CLASP1: variants seen among roughly 807,000 people sequenced by gnomAD.
CLASP1 encodes cytoplasmic linker associated protein 1, also known as CLIP-associating protein 1.
In CLASP1, 38 loss-of-function variants were observed where a neutral mutation model predicts 192.3. The ratio of observed to expected loss-of-function variants is 0.20; its 90% CI spans 0.15 to 0.26. The LOEUF (loss-of-function observed/expected upper bound fraction) is 0.26. Ranked by LOEUF, CLASP1 falls within the 10% of genes least tolerant of loss-of-function variation. CLASP1 has a pLI of 1.00. For synonymous variants in CLASP1, 691 were observed against 712.8 expected, an observed-to-expected ratio of 0.97 and a Z score of 0.49; for missense variants, 1,433 against 1,932.5, an observed-to-expected ratio of 0.74 and a Z score of 4.85.
chr2:121,473,706 G>C (rs995482238), intron 8 of CLASP1, among the ~76,000 whole-genome samples: 2 of 152,118 alleles, frequency 1.3e-5, no homozygotes, highest in African/African-American at 4.8e-5. Context: ...ACCCAGACAA[G>C]AGCAGCCAGG....
At chr2:121,371,093 C>G (rs547214233) in intron 34 of CLASP1, among the ~76,000 whole-genome samples, 1 of 152,136 alleles carries the variant, frequency 6.6e-6, no homozygotes, top group African/African-American at 2.4e-5. Flanking sequence ...TATAAATATA[C>G]AAAAAGGAAT....
At chr2:121,557,110 G>A (rs984898531) in intron 2 of CLASP1, among the ~76,000 whole-genome samples, 22 of 152,210 alleles carry the variant, frequency 1.4e-4, no homozygotes, top group African/African-American at 4.1e-4. Flanking sequence ...TGCTCACTGC[G>A]AATGTTATCA....
chr2:121,362,411 C>T (rs79284003), intron 37 of CLASP1, among the ~76,000 whole-genome samples: 5,628 of 152,308 alleles, frequency 0.037, 154 homozygotes, highest in East Asian at 0.14. Context: ...CCCTCTGTGG[C>T]ATGTGTGCAG....
At chr2:121,520,425 C>T (rs1251477275) in intron 6 of CLASP1, among the ~76,000 whole-genome samples, 2 of 152,200 alleles carry the variant, frequency 1.3e-5, no homozygotes, top group African/African-American at 4.8e-5. Context: ...CCCAGCACAG[C>T]TGTGCCCAAG....
At position 121,425,023 on chromosome 2, in the gene CLASP1, A is replaced by G. The variant is rs929750510; in HGVS notation, c.2212+116T>C. Reference sequence around the variant, plus strand: ...GTATAAAGCACACCCAGGCAAAGTGACATCCTCAGTTCAAAAAATAGATCT... The same window carrying G: ...GTATAAAGCACACCCAGGCAAAGTGGCATCCTCAGTTCAAAAAATAGATCT... On this transcript the variant is annotated intron_variant, in intron 22 of 39. Coordinates refer to ENST00000263710, the Ensembl canonical transcript of CLASP1. 5.0e-5 allele frequency: 53 copies of G among 1,064,110 alleles called. No homozygotes were observed. In the African/African-American group the frequency reaches 7.4e-4, roughly 15 times the overall value. 65.9% of individuals were successfully genotyped at this position (1,064,110 alleles called of 1,614,324 possible).
At chr2:121,367,241 T>C (rs2149261374) in intron 35 of CLASP1, among the ~76,000 whole-genome samples, 1 of 152,318 alleles carries the variant, frequency 6.6e-6, no homozygotes, top group Non-Finnish European at 1.5e-5. Context: ...ATCCTGTTTG[T>C]TCCTACACCC....
chr2:121,465,791 C>T (rs559676722), intron 9 of CLASP1, among the ~76,000 whole-genome samples: 2 of 152,276 alleles, frequency 1.3e-5, no homozygotes. Context: ...CTACAGTAAC[C>T]AAAACAGCAT....
chr2:121,647,260 C>A (rs573036194), intron 1 of CLASP1, among the ~76,000 whole-genome samples: 1 of 151,976 alleles, frequency 6.6e-6, no homozygotes, highest in Non-Finnish European at 1.5e-5. Flanking sequence ...CCCAGCTACT[C>A]AGGCGGCTGA....
At chr2:121,478,859 AC>A (rs1393315766) in intron 8 of CLASP1, among the ~76,000 whole-genome samples, 87 of 73,448 alleles carry the variant, frequency 1.2e-3, no homozygotes, top group African/African-American at 5.4e-3. Flanking sequence ...CACACACCAC[AC>A]CACACACACA....
intron 8 of CLASP1, among the ~76,000 whole-genome samples, chr2:121,485,658 G>A (rs2092922951): frequency 1.3e-5 from 2 of 152,048 alleles, no homozygotes; most frequent in South Asian, 4.2e-4. Flanking sequence ...GAGGTCAGGA[G>A]TTTGAGACCT....
chr2:121,471,431 AC>A (rs1261618129), intron 8 of CLASP1, among the ~76,000 whole-genome samples: 1 of 152,228 alleles, frequency 6.6e-6, no homozygotes, highest in African/African-American at 2.4e-5. Flanking sequence ...AATAAAAAAA[AC>A]AACATCTGTA....
chr2:121,478,676 ACACACACACCC>A (rs2092007894), intron 8 of CLASP1, among the ~76,000 whole-genome samples: 2 of 69,396 alleles, frequency 2.9e-5, no homozygotes, highest in Non-Finnish European at 6.0e-5. Context: ...CACACACACC[ACACACACACCC>A]CACACACACA....
At chr2:121,371,115 C>A (rs1226916162) in intron 34 of CLASP1, among the ~76,000 whole-genome samples, 1 of 152,158 alleles carries the variant, frequency 6.6e-6, no homozygotes, top group South Asian at 2.1e-4. Flanking sequence ...GAAAAATACA[C>A]CCTATAGTGT....
At chr2:121,572,809 C>T (rs925116451) in intron 2 of CLASP1, among the ~76,000 whole-genome samples, 6 of 151,998 alleles carry the variant, frequency 3.9e-5, no homozygotes, top group African/African-American at 1.2e-4. Flanking sequence ...CTGGTCATGC[C>T]TCAAACCTAA....
intron 22 of CLASP1, among the ~76,000 whole-genome samples, chr2:121,424,916 C>T (rs369979474): frequency 2.0e-5 from 3 of 152,198 alleles, no homozygotes; most frequent in East Asian, 3.8e-4. Context: ...CAAAAGCCTA[C>T]AATGACATAA....
chr2:121,498,237 G>A (rs549437331), intron 8 of CLASP1, among the ~76,000 whole-genome samples: 315 of 139,030 alleles, frequency 2.3e-3, no homozygotes, highest in African/African-American at 8.7e-3. Context: ...GGAGTCTCAC[G>A]ACCAGGCTGG....
chr2:121,632,225 C>T (rs1412831478), intron 1 of CLASP1, among the ~76,000 whole-genome samples: 1 of 152,076 alleles, frequency 6.6e-6, no homozygotes, highest in African/African-American at 2.4e-5. Flanking sequence ...GCCTGGGCGA[C>T]AGAGCTTTGT....
At chr2:121,365,251 A>T (rs1247953847) in exon 36 of CLASP1, 1 of 1,613,542 alleles carries the variant, frequency 6.2e-7, no homozygotes, top group South Asian at 1.1e-5. Context: ...CTCTTTCAGA[A>T]GGTCAGCCAC....
intron 37 of CLASP1, among the ~76,000 whole-genome samples, chr2:121,359,726 A>T (rs931008170): frequency 5.9e-5 from 9 of 152,214 alleles, no homozygotes; most frequent in Non-Finnish European, 1.0e-4. Context: ...AAAGAGACTT[A>T]CTCAAATAGG....
Sources: gnomAD v4.1 joint callset for allele counts (sites outside exome capture counted in the v4.1 genomes callset) on GRCh38, gnomAD v4.1.1 for gene constraint, MANE v1.5 for transcripts, NCBI Gene and HGNC (gene_info 2026-07-23, HGNC 2026-07-21) for gene names.